The following EDNRB variants were observed in gnomAD, a reference collection of about 807,000 sequenced individuals.
The protein encoded by EDNRB is endothelin receptor type B, also known as Hirschsprung disease 2.
A neutral mutation model predicts 46.4 loss-of-function variants in EDNRB; 18 were observed. The observed-to-expected ratio is 0.39, with a 90% CI of 0.27 to 0.57. EDNRB has a LOEUF of 0.57. Among genes scored for constraint, EDNRB ranks in the 20% least tolerant of loss-of-function variants. EDNRB has a pLI of 0.61. For missense variants in EDNRB, 434 were observed against 537.5 expected (o/e 0.81, Z 1.90); for synonymous variants, 213 against 204.9 (o/e 1.04, Z -0.34).
At chr13:77,943,616 A>T (rs951105640) in intron 1 of EDNRB, among the ~76,000 whole-genome samples, 5 of 152,174 alleles carry the variant, frequency 3.3e-5, no homozygotes, top group Middle Eastern at 3.4e-3. Context: ...TAATGGTTTT[A>T]TATGTTTTTA....
chr13:77,963,169 C>T (rs1881477795), intron 1 of EDNRB, among the ~76,000 whole-genome samples: 1 of 152,170 alleles, frequency 6.6e-6, no homozygotes, highest in Admixed American at 6.5e-5. Flanking sequence ...TAAGAATAAT[C>T]AATATCGTGA....
At chr13:77,942,334 C>G (rs2137665870) in intron 1 of EDNRB, among the ~76,000 whole-genome samples, 1 of 152,262 alleles carries the variant, frequency 6.6e-6, no homozygotes, top group Non-Finnish European at 1.5e-5. Context: ...CTCATTTAAT[C>G]TTCACAACAA....
intron 1 of EDNRB, among the ~76,000 whole-genome samples, chr13:77,915,903 G>A (rs888752894): frequency 4.6e-5 from 7 of 152,160 alleles, no homozygotes; most frequent in African/African-American, 1.7e-4. Flanking sequence ...AACTTCCTAG[G>A]GAAATCATAT....
At position 77,918,628 on chromosome 13, in the gene EDNRB, G is replaced by C. The variant is rs773865523; in HGVS notation, c.-55C>G. ...GGCCGCTCCGCAGTTTCAGAGCCTA[G>C]AGACAAGCAGAGGAAGGAAGACAGG... On this transcript the variant is annotated 5_prime_UTR_variant, in exon 1 of 7. Transcript: ENST00000646607. The surrounding 1 kb of genome is among the most constrained non-coding windows in gnomAD (Gnocchi z 4.5). 24 of 1,533,348 alleles carry C rather than the reference G, an allele frequency of 1.6e-5. No homozygotes were observed. Among genetic ancestry groups the C allele is most frequent in the Middle Eastern group, 1.7e-4 (1 of 5,720 alleles). The allele number at this position is 1,533,348 out of a possible 1,614,324, so 95.0% of individuals were successfully genotyped here. A position where few individuals can be genotyped will look rare whatever the true frequency, so the allele number is the denominator to read the frequency against.
upstream of EDNRB, among the ~76,000 whole-genome samples, chr13:77,922,954 A>G (rs1016931919): frequency 7.2e-5 from 11 of 152,206 alleles, no homozygotes; most frequent in African/African-American, 1.4e-4. Context: ...TATCTGATAC[A>G]TCTTATCAGC....
chr13:77,929,167 G>T (rs1334726262), intron 1 of EDNRB, among the ~76,000 whole-genome samples: 1 of 152,142 alleles, frequency 6.6e-6, no homozygotes, highest in Non-Finnish European at 1.5e-5. Context: ...GGTCTCAATT[G>T]TGTGACATGA....
At chr13:77,961,219 C>A (rs1470914852) in intron 1 of EDNRB, among the ~76,000 whole-genome samples, 1 of 152,070 alleles carries the variant, frequency 6.6e-6, no homozygotes, top group Non-Finnish European at 1.5e-5. Flanking sequence ...GAACTCTCCA[C>A]CCCAAATCAA....
At chr13:77,952,194 A>G (rs924182828) in intron 1 of EDNRB, among the ~76,000 whole-genome samples, 2 of 152,174 alleles carry the variant, frequency 1.3e-5, no homozygotes, top group Non-Finnish European at 2.9e-5. Context: ...CATAGACAAG[A>G]GGAGGACGTT....
chr13:77,963,422 A>G (rs2137687291), intron 1 of EDNRB, among the ~76,000 whole-genome samples: 1 of 152,292 alleles, frequency 6.6e-6, no homozygotes, highest in African/African-American at 2.4e-5. Context: ...CAAAACAGAG[A>G]TATAGACCAG....
intron 1 of EDNRB, among the ~76,000 whole-genome samples, chr13:77,929,507 C>A (rs958451350): frequency 6.6e-6 from 1 of 152,044 alleles, no homozygotes; most frequent in Non-Finnish European, 1.5e-5. Flanking sequence ...CTAATAGTTG[C>A]CATTAAGATT....
chr13:77,949,795 A>G (rs998307075), intron 1 of EDNRB, among the ~76,000 whole-genome samples: 2 of 152,146 alleles, frequency 1.3e-5, no homozygotes, highest in Non-Finnish European at 2.9e-5. Context: ...AAAGCACAGG[A>G]TTGCCTCAAC....
chr13:77,952,167 T>C (rs1489966362), intron 1 of EDNRB, among the ~76,000 whole-genome samples: 1 of 151,964 alleles, frequency 6.6e-6, no homozygotes, highest in Non-Finnish European at 1.5e-5. Flanking sequence ...AGTAAAGTGG[T>C]GAAAGAACAG....
chr13:77,919,638 G>T (rs1330629248), upstream of EDNRB: 6 of 1,576,476 alleles, frequency 3.8e-6, no homozygotes, highest in Non-Finnish European at 5.2e-6. Context: ...ATCAATCACC[G>T]CCAGACTCCT....
chr13:77,962,170 A>G (rs1012063535), intron 1 of EDNRB, among the ~76,000 whole-genome samples: 14 of 152,224 alleles, frequency 9.2e-5, no homozygotes, highest in East Asian at 3.9e-4. Context: ...TCCAGGACCA[A>G]ATGGATTCAC....
chr13:77,921,371 C>A (rs944803432), upstream of EDNRB, among the ~76,000 whole-genome samples: 4 of 152,224 alleles, frequency 2.6e-5, no homozygotes, highest in East Asian at 1.9e-4. Context: ...CTACTCCTTA[C>A]AGGGTCTACC....
intron 1 of EDNRB, among the ~76,000 whole-genome samples, chr13:77,963,325 C>T (rs2137687196): frequency 6.6e-6 from 1 of 152,164 alleles, no homozygotes; most frequent in South Asian, 2.1e-4. Flanking sequence ...AGTCCTAAGC[C>T]AAAAGAACAA....
intron 1 of EDNRB, among the ~76,000 whole-genome samples, chr13:77,967,650 G>A (rs898300303): frequency 2.6e-5 from 4 of 152,128 alleles, no homozygotes; most frequent in Admixed American, 6.6e-5. Context: ...AGAGAATTAT[G>A]GTTACAATAT....
chr13:77,909,597 T>G (rs1388541732), intron 1 of EDNRB, among the ~76,000 whole-genome samples: 1 of 152,100 alleles, frequency 6.6e-6, no homozygotes, highest in Admixed American at 6.6e-5. Flanking sequence ...TTCTACTTTA[T>G]TAAATTACAA....
At chr13:77,964,311 C>A (rs1367772501) in intron 1 of EDNRB, among the ~76,000 whole-genome samples, 1 of 152,158 alleles carries the variant, frequency 6.6e-6, no homozygotes, top group Non-Finnish European at 1.5e-5. Flanking sequence ...GCTATAAAGA[C>A]ACATGCTATA....
Sources: gnomAD v4.1 joint callset for allele counts (sites outside exome capture counted in the v4.1 genomes callset) on GRCh38, gnomAD v4.1.1 for gene constraint, Gnocchi (gnomAD v3.1) non-coding constraint, MANE v1.5 for transcripts, NCBI Gene and HGNC (gene_info 2026-07-23, HGNC 2026-07-21) for gene names.